DSCAM: variants seen among roughly 807,000 people sequenced by gnomAD.
DSCAM encodes DS cell adhesion molecule.
A neutral mutation model predicts 217.7 loss-of-function variants in DSCAM; 47 were observed. The observed-to-expected ratio is 0.22, with a 90% CI of 0.17 to 0.28. The LOEUF is 0.28. Among genes scored for constraint, DSCAM ranks in the 10% least tolerant of loss-of-function variants. The probability of loss-of-function intolerance (pLI) is 1.00; values close to 1 mark genes in which losing one functional copy is unlikely to be tolerated. For missense variants in DSCAM, 2,080 were observed against 2,618.3 expected (o/e 0.79, Z 4.49); for synonymous variants, 1,056 against 1,015.3 (o/e 1.04, Z -0.76).
At chr21:40,780,085 C>T (rs973688971) in intron 1 of DSCAM, among the ~76,000 whole-genome samples, 2 of 152,118 alleles carry the variant, frequency 1.3e-5, no homozygotes, top group Admixed American at 1.3e-4. Flanking sequence ...TTATAACAAT[C>T]GCAGATGTAG....
intron 10 of DSCAM, among the ~76,000 whole-genome samples, chr21:40,285,954 T>C (rs2073818698): frequency 6.6e-6 from 1 of 152,280 alleles, no homozygotes; most frequent in East Asian, 1.9e-4. Context: ...TCACTGCTGC[T>C]TCAGGAAATG....
At chr21:40,338,457 T>A in intron 7 of DSCAM, 81 bp from the exon 8 acceptor site, 1 of 1,401,356 alleles carries the variant, frequency 7.1e-7, no homozygotes, top group Non-Finnish European at 9.7e-7. Flanking sequence ...TTCCTTGAGT[T>A]AAAAATGTAG....
chr21:40,216,366 G>A (rs183694838), intron 11 of DSCAM, among the ~76,000 whole-genome samples: 41 of 151,568 alleles, frequency 2.7e-4, no homozygotes, highest in Non-Finnish European at 4.9e-4. Context: ...CTTCCACCTC[G>A]GCCTCCCAAA....
At chr21:40,182,503 C>G (rs144268425) in intron 14 of DSCAM, among the ~76,000 whole-genome samples, 1 of 150,122 alleles carries the variant, frequency 6.7e-6, no homozygotes, top group African/African-American at 2.5e-5. Flanking sequence ...GTGGACAGGA[C>G]GGAGGCACCG....
At chr21:40,483,136 G>C (rs192947077) in intron 3 of DSCAM, among the ~76,000 whole-genome samples, 6 of 152,306 alleles carry the variant, frequency 3.9e-5, no homozygotes, top group Admixed American at 1.3e-4. Flanking sequence ...ATTAGAAACA[G>C]AAGAAATGTC....
chr21:40,639,116 C>T (rs556675206), intron 3 of DSCAM, among the ~76,000 whole-genome samples: 6 of 151,244 alleles, frequency 4.0e-5, no homozygotes, highest in African/African-American at 7.3e-5. Flanking sequence ...CCCTCACACT[C>T]GTCCATTTTG....
At chr21:40,569,812 A>T (rs971837207) in intron 3 of DSCAM, among the ~76,000 whole-genome samples, 5 of 152,154 alleles carry the variant, frequency 3.3e-5, no homozygotes, top group Non-Finnish European at 5.9e-5. Flanking sequence ...TTTCCTACTT[A>T]TTTTTTGTGT....
At chr21:40,145,820 G>C (rs2090348507) in intron 16 of DSCAM, among the ~76,000 whole-genome samples, 1 of 151,080 alleles carries the variant, frequency 6.6e-6, no homozygotes, top group Non-Finnish European at 1.5e-5. Flanking sequence ...ACTCCAGCCT[G>C]GGTGACAGAA....
intron 1 of DSCAM, among the ~76,000 whole-genome samples, chr21:40,817,822 C>G (rs929009240): frequency 2.0e-5 from 3 of 151,272 alleles, no homozygotes; most frequent in Non-Finnish European, 4.4e-5. Flanking sequence ...GGTGGCCGGG[C>G]GCGGTGGCTC....
chr21:40,146,368 G>C (rs928392891), intron 16 of DSCAM, among the ~76,000 whole-genome samples: 1 of 152,068 alleles, frequency 6.6e-6, no homozygotes, highest in African/African-American at 2.4e-5. Context: ...AGGAGGGAAC[G>C]GACAGAGTGG....
intron 1 of DSCAM, among the ~76,000 whole-genome samples, chr21:40,820,630 A>T (rs563850566): frequency 4.6e-5 from 7 of 152,252 alleles, no homozygotes; most frequent in South Asian, 2.1e-4. Flanking sequence ...GTAAAATAAA[A>T]TTTTTTTAAA....
At chr21:40,285,450 C>G (rs1253682042) in intron 10 of DSCAM, among the ~76,000 whole-genome samples, 1 of 152,156 alleles carries the variant, frequency 6.6e-6, no homozygotes, top group African/African-American at 2.4e-5. Context: ...CACCAAGGCT[C>G]AGGGTAATTA....
At chr21:40,816,273 A>G (rs947405014) in intron 1 of DSCAM, among the ~76,000 whole-genome samples, 4 of 152,180 alleles carry the variant, frequency 2.6e-5, no homozygotes, top group African/African-American at 9.7e-5. Context: ...CCATGTGATG[A>G]TGAATTTGAG....
At chr21:40,227,136 T>G (rs2091340301) in intron 11 of DSCAM, among the ~76,000 whole-genome samples, 1 of 152,188 alleles carries the variant, frequency 6.6e-6, no homozygotes, top group South Asian at 2.1e-4. Context: ...TTTTCTTTAG[T>G]AGTTTCTTAG....
At position 40,144,205 on chromosome 21, in the gene DSCAM, C is replaced by G. The variant is rs916756185; in HGVS notation, c.3259+286G>C. Among the ~76,000 whole-genome samples, 1 of 152,160 alleles carries G rather than the reference C, an allele frequency of 6.6e-6. No homozygotes were observed. Among genetic ancestry groups the G allele is most frequent in the African/African-American group, 2.4e-5 (1 of 41,444 alleles). The stretch of plus-strand genomic sequence containing the variant: ...GAGACTTCTGCAGTAATAGAGAGAG[C>G]CTTGTTTTCACTCCAGAAAAGCCCA... On this transcript the variant is annotated intron_variant, in intron 17 of 32. Coordinates refer to ENST00000400454, the MANE Select transcript of DSCAM (RefSeq NM_001389.5). This position sits in a 1 kb window ranked among gnomAD's most constrained non-coding sequence, Gnocchi z 4.8.
intron 11 of DSCAM, among the ~76,000 whole-genome samples, chr21:40,262,029 C>T (rs752314041): frequency 3.2e-4 from 48 of 152,208 alleles, no homozygotes; most frequent in Non-Finnish European, 5.4e-4. Flanking sequence ...CTCTTTCCCT[C>T]CCTCCCTCTC....
intron 3 of DSCAM, among the ~76,000 whole-genome samples, chr21:40,394,002 AT>A (rs2123760386): frequency 6.6e-6 from 1 of 152,368 alleles, no homozygotes; most frequent in African/African-American, 2.4e-5. Flanking sequence ...ATTTCTAATT[AT>A]TTCTTTAATA....
At chr21:40,702,669 A>AT (rs58060649) in intron 2 of DSCAM, among the ~76,000 whole-genome samples, 12,549 of 148,634 alleles carry the variant, frequency 0.084, 545 homozygotes, top group Middle Eastern at 0.14. Context: ...TTTGATATGT[A>AT]TTTTTTTTTT....
chr21:40,804,135 C>T (rs1382586139), intron 1 of DSCAM, among the ~76,000 whole-genome samples: 3 of 152,174 alleles, frequency 2.0e-5, no homozygotes, highest in African/African-American at 7.2e-5. Flanking sequence ...GTGACCTGTG[C>T]AGTACAAGGC....
Sources: gnomAD v4.1 joint callset for allele counts (sites outside exome capture counted in the v4.1 genomes callset) on GRCh38, gnomAD v4.1.1 for gene constraint, Gnocchi (gnomAD v3.1) non-coding constraint, MANE v1.5 for transcripts, NCBI Gene and HGNC (gene_info 2026-07-23, HGNC 2026-07-21) for gene names.